PVT1: variants seen among roughly 807,000 people sequenced by gnomAD.
PVT1 encodes the protein CXCR4/PVT1 fusion.
In PVT1 at chr8:127,902,194, G is replaced by A. The variant is rs79200918; in HGVS notation, n.782+11196G>A. Among the ~76,000 whole-genome samples the A allele has an allele frequency of 3.4e-4, 51 of 152,232 alleles. No homozygotes were observed. In the East Asian group the frequency reaches 9.3e-3, roughly 28 times the overall value. On this transcript the variant is annotated intron_variant and non_coding_transcript_variant, in intron 3 of 10. Coordinates refer to ENST00000651587, the Ensembl canonical transcript of PVT1. The stretch of plus-strand genomic sequence containing the variant: ...GTTTGCCAGAGACTTTCCTGGTTTT[G>A]GCACGGAAAGTCCAACACTCTGGGA...
At chr8:127,907,717 A>G (rs1362339527) in intron 3 of PVT1, among the ~76,000 whole-genome samples, 1 of 152,102 alleles carries the variant, frequency 6.6e-6, no homozygotes, top group African/African-American at 2.4e-5. Flanking sequence ...ATTGTGTTAA[A>G]TCTTTATATT....
intron 4 of PVT1, among the ~76,000 whole-genome samples, chr8:128,055,595 G>A (rs541285238): frequency 6.6e-6 from 1 of 152,200 alleles, no homozygotes; most frequent in Non-Finnish European, 1.5e-5. Flanking sequence ...ATAACAAAAT[G>A]TTGTGGCTTA....
At chr8:128,101,225 C>T (rs1366378713) in intron 6 of PVT1, 1 of 152,224 alleles carries the variant, frequency 6.6e-6, no homozygotes, top group African/African-American at 2.4e-5. Flanking sequence ...CGTGGCCGGC[C>T]TCGTGTCTAT....
At chr8:127,832,640 C>T (rs191327386) in intron 2 of PVT1, among the ~76,000 whole-genome samples, 18 of 152,188 alleles carry the variant, frequency 1.2e-4, no homozygotes, top group Admixed American at 8.5e-4. Flanking sequence ...GGGCGGATCA[C>T]GAGGTCAGGA....
At chr8:127,978,254 C>T (rs866517403) in intron 3 of PVT1, among the ~76,000 whole-genome samples, 24 of 152,074 alleles carry the variant, frequency 1.6e-4, no homozygotes, top group African/African-American at 5.3e-4. Flanking sequence ...TGGGCTCAAG[C>T]AATCCTTCTG....
chr8:127,894,309 C>T (rs980817199), intron 3 of PVT1, among the ~76,000 whole-genome samples: 3 of 152,136 alleles, frequency 2.0e-5, no homozygotes, highest in Non-Finnish European at 1.5e-5. Context: ...AGGGGTTCTT[C>T]GGTGAACAGC....
chr8:127,817,019 C>T (rs1401413773), intron 2 of PVT1, among the ~76,000 whole-genome samples: 12 of 151,968 alleles, frequency 7.9e-5, no homozygotes, highest in Admixed American at 7.9e-4. Flanking sequence ...CCCCCACCCC[C>T]TCCCGATACA....
chr8:127,993,462 G>A (rs575618479), intron 4 of PVT1, among the ~76,000 whole-genome samples: 14 of 152,360 alleles, frequency 9.2e-5, no homozygotes, highest in African/African-American at 3.4e-4. Flanking sequence ...ATGGTTTTGA[G>A]GAAAGGCTGG....
chr8:127,820,972 G>A (rs1289515777), intron 2 of PVT1, among the ~76,000 whole-genome samples: 1 of 152,174 alleles, frequency 6.6e-6, no homozygotes, highest in Admixed American at 6.5e-5. Context: ...GTCTCCCAAA[G>A]TGTTGGGATT....
chr8:127,980,948 C>T (rs1816876767), intron 3 of PVT1, among the ~76,000 whole-genome samples: 1 of 151,986 alleles, frequency 6.6e-6, no homozygotes, highest in South Asian at 2.1e-4. Context: ...GGGCATCCAC[C>T]ACAACACCCA....
chr8:127,893,937 G>A (rs1815642469), intron 3 of PVT1, among the ~76,000 whole-genome samples: 1 of 152,160 alleles, frequency 6.6e-6, no homozygotes, highest in African/African-American at 2.4e-5. Context: ...ATGCATACAA[G>A]GCTGGCTCTC....
At chr8:128,085,676 T>G (rs1278901480) in intron 5 of PVT1, among the ~76,000 whole-genome samples, 1 of 151,828 alleles carries the variant, frequency 6.6e-6, no homozygotes, top group Non-Finnish European at 1.5e-5. Flanking sequence ...TTAATTCATG[T>G]GTACTAAGAA....
At chr8:128,040,307 T>A (rs2130085955) in intron 4 of PVT1, among the ~76,000 whole-genome samples, 1 of 152,276 alleles carries the variant, frequency 6.6e-6, no homozygotes, top group Middle Eastern at 3.4e-3. Context: ...ACTGAGGAAA[T>A]GGGAAGTGGG....
At chr8:127,944,450 A>C (rs1296261279) in intron 3 of PVT1, among the ~76,000 whole-genome samples, 1 of 152,162 alleles carries the variant, frequency 6.6e-6, no homozygotes, top group African/African-American at 2.4e-5. Flanking sequence ...TTTGTCTGTA[A>C]AATGGGAACA....
intron 3 of PVT1, among the ~76,000 whole-genome samples, chr8:127,912,322 G>A (rs1357098938): frequency 1.3e-5 from 2 of 152,254 alleles, no homozygotes; most frequent in East Asian, 3.9e-4. Context: ...TGTAACACAG[G>A]CAACCACCCT....
exon 5 of PVT1, chr8:128,070,286 A>G (rs1813968982): frequency 6.6e-6 from 1 of 152,310 alleles, no homozygotes; most frequent in Non-Finnish European, 1.5e-5. Context: ...ACCACAGCCT[A>G]GTTCTGTGAT....
intron 2 of PVT1, among the ~76,000 whole-genome samples, chr8:127,810,931 C>T: frequency 6.6e-6 from 1 of 152,200 alleles, no homozygotes; most frequent in East Asian, 1.9e-4. Context: ...TGTGAGTTCT[C>T]ACAGCTCACA....
Position 127,812,240 on chromosome 8 carries a change from A to AAGGAAGGC in PVT1, n.372+16193_372+16200dup, listed in dbSNP as rs1164337193. Among the ~76,000 whole-genome samples the AAGGAAGGC allele has an allele frequency of 3.0e-3, 381 of 127,780 alleles. 5 individuals carry two copies. Among genetic ancestry groups the AAGGAAGGC allele is most frequent in the Middle Eastern group, 0.015 (4 of 262 alleles). The allele number at this position is 127,780 out of a possible 152,430, so 83.8% of individuals were successfully genotyped here. A position where few individuals can be genotyped will look rare whatever the true frequency, so the allele number is the denominator to read the frequency against. On this transcript the variant is annotated intron_variant and non_coding_transcript_variant, in intron 2 of 10. Transcript: ENST00000651587. Reference sequence around the variant, plus strand: ...GCAGGAAGGCAGGAAGGCAGGAAGGAAGGAAGGCAGGAAGGCAGGAAGGCA... The same window carrying AAGGAAGGC: ...GCAGGAAGGCAGGAAGGCAGGAAGGAAGGAAGGCAGGAAGGCAGGAAGGCAGGAAGGCA...
chr8:127,916,454 C>A (rs1188091496), intron 3 of PVT1, among the ~76,000 whole-genome samples: 1 of 152,080 alleles, frequency 6.6e-6, no homozygotes, highest in African/African-American at 2.4e-5. Context: ...TCAATGTGGG[C>A]CTGGTCAGGA....
Sources: allele counts gnomAD v4.1 joint callset (sites outside exome capture counted in the v4.1 genomes callset), GRCh38; gene constraint gnomAD v4.1.1; transcripts MANE v1.5; gene names NCBI Gene and HGNC (gene_info 2026-07-23, HGNC 2026-07-21).